Variants in LRMDA observed in about 807,000 individuals in gnomAD.
LRMDA encodes the protein leucine rich melanocyte differentiation associated.
A neutral mutation model predicts 29.8 loss-of-function variants in LRMDA; 18 were observed. The ratio of observed to expected loss-of-function variants is 0.60; its 90% CI spans 0.42 to 0.90. The LOEUF (loss-of-function observed/expected upper bound fraction) is 0.90, where lower values mean the gene tolerates loss of function less well. Ranked by LOEUF, LRMDA falls within the 40% of genes least tolerant of loss-of-function variation. LRMDA has a pLI of 0.00. For synonymous variants in LRMDA, 125 were observed against 109.4 expected (o/e 1.14, Z -0.89); for missense variants, 273 against 273.9 (o/e 1.00, Z 0.02).
At chr10:76,042,120 A>T (rs1848351303) in intron 3 of LRMDA, among the ~76,000 whole-genome samples, 1 of 152,202 alleles carries the variant, frequency 6.6e-6, no homozygotes, top group African/African-American at 2.4e-5. Context: ...GAGACAAAGA[A>T]ACCAATTAAA....
rs368216837 is a variant in LRMDA at position 76,111,075 on chromosome 10, A to G, written c.516+52292A>G. 5.9e-5 allele frequency among the ~76,000 whole-genome samples: 9 copies of G among 152,032 alleles called. No individual in the cohort carries two copies. The East Asian group carries it at 7.7e-4, about 13-fold the overall frequency. On this transcript the variant is annotated intron_variant, in intron 5 of 6. Coordinates refer to ENST00000611255, the MANE Select transcript of LRMDA (RefSeq NM_001305581.2). Reference sequence around the variant, plus strand: ...TGCCACATCTGAAATCCCTTCTCTCAGTAACCTAAATCAACTTTGTCCTTC... The same window carrying G: ...TGCCACATCTGAAATCCCTTCTCTCGGTAACCTAAATCAACTTTGTCCTTC...
intron 6 of LRMDA, among the ~76,000 whole-genome samples, chr10:76,501,987 G>T (rs564450137): frequency 4.6e-5 from 7 of 151,720 alleles, no homozygotes; most frequent in Non-Finnish European, 8.9e-5. Flanking sequence ...TTTTTATAGT[G>T]TGAGGTCTTA....
intron 2 of LRMDA, among the ~76,000 whole-genome samples, chr10:75,518,685 T>C (rs1845323148): frequency 1.3e-5 from 2 of 152,216 alleles, no homozygotes; most frequent in South Asian, 4.1e-4. Flanking sequence ...GTAGAGTTTT[T>C]TGTGTCTCTA....
chr10:76,412,621 G>A (rs754682508), intron 6 of LRMDA, among the ~76,000 whole-genome samples: 2 of 152,110 alleles, frequency 1.3e-5, no homozygotes, highest in South Asian at 4.1e-4. Flanking sequence ...AGTATGATTC[G>A]CTGTCTAGGG....
chr10:75,629,583 G>A (rs563575501), intron 2 of LRMDA, among the ~76,000 whole-genome samples: 1 of 150,936 alleles, frequency 6.6e-6, no homozygotes, highest in South Asian at 2.1e-4. Flanking sequence ...TAAGCTTTAT[G>A]TCTGAGTGTA....
chr10:76,163,020 G>A (rs1850675394), intron 5 of LRMDA, among the ~76,000 whole-genome samples: 1 of 152,148 alleles, frequency 6.6e-6, no homozygotes, highest in Admixed American at 6.5e-5. Flanking sequence ...ACAAATCACA[G>A]ATCCTTGGTT....
At chr10:76,200,846 T>C in intron 5 of LRMDA, among the ~76,000 whole-genome samples, 1 of 150,968 alleles carries the variant, frequency 6.6e-6, no homozygotes, top group East Asian at 2.0e-4. Context: ...GCCTCCTGAG[T>C]AGCTGGGATT....
chr10:76,048,547 G>C (rs1174852114), intron 4 of LRMDA, among the ~76,000 whole-genome samples: 1 of 152,216 alleles, frequency 6.6e-6, no homozygotes, highest in Admixed American at 6.5e-5. Context: ...AAGATCTGAT[G>C]TGGAGTCCGG....
chr10:76,300,570 TTC>T (rs1160887576), intron 5 of LRMDA, among the ~76,000 whole-genome samples: 1 of 152,214 alleles, frequency 6.6e-6, no homozygotes, highest in Non-Finnish European at 1.5e-5. Context: ...GTGTAACAGG[TTC>T]TCTGTCTTTC....
intron 2 of LRMDA, among the ~76,000 whole-genome samples, chr10:75,945,308 A>G (rs2132413859): frequency 6.6e-6 from 1 of 152,310 alleles, no homozygotes; most frequent in African/African-American, 2.4e-5. Flanking sequence ...TTCCCAGCAT[A>G]TGTGCAGTTT....
chr10:75,781,184 G>A (rs1843378396), intron 2 of LRMDA, among the ~76,000 whole-genome samples: 1 of 152,022 alleles, frequency 6.6e-6, no homozygotes, highest in Admixed American at 6.5e-5. Flanking sequence ...AACTTATATG[G>A]TGCAGCAATA....
intron 6 of LRMDA, among the ~76,000 whole-genome samples, chr10:76,369,275 G>C (rs1178667098): frequency 1.3e-5 from 2 of 152,066 alleles, no homozygotes; most frequent in African/African-American, 4.8e-5. Flanking sequence ...TCAAGATTTT[G>C]AGCTCCTTTT....
At chr10:75,444,977 G>A (rs979452071) in intron 2 of LRMDA, among the ~76,000 whole-genome samples, 9 of 152,276 alleles carry the variant, frequency 5.9e-5, no homozygotes, top group Non-Finnish European at 4.4e-5. Context: ...AGGCTGGAAT[G>A]CAGTGGAACG....
At position 75,850,548 on chromosome 10, in the gene LRMDA, T is replaced by C. The variant is rs1226214488; in HGVS notation, c.132-185460T>C. On this transcript the variant is annotated intron_variant, in intron 2 of 6. Coordinates refer to ENST00000611255, the MANE Select transcript of LRMDA (RefSeq NM_001305581.2). ...TTTTTCTGTTGCTCATATAACACCATCTGGGTTTCCAAGAGGTACACTTTG... is the reference window on the plus strand; with the variant it reads ...TTTTTCTGTTGCTCATATAACACCACCTGGGTTTCCAAGAGGTACACTTTG... Among the ~76,000 whole-genome samples, 16 of 152,326 alleles carry C rather than the reference T, an allele frequency of 1.1e-4. No homozygotes were observed. In the South Asian group the frequency reaches 3.3e-3, roughly 32 times the overall value.
intron 2 of LRMDA, among the ~76,000 whole-genome samples, chr10:75,953,335 T>C (rs999982691): frequency 6.6e-6 from 1 of 152,102 alleles, no homozygotes; most frequent in African/African-American, 2.4e-5. Context: ...TGCCTCAGCC[T>C]CCCAAATTGC....
intron 5 of LRMDA, among the ~76,000 whole-genome samples, chr10:76,215,720 G>A (rs1185550337): frequency 6.6e-6 from 1 of 152,062 alleles, no homozygotes; most frequent in Non-Finnish European, 1.5e-5. Flanking sequence ...AGAGAAATTG[G>A]GAGGAATTTC....
chr10:75,545,804 C>G (rs1020368553), intron 2 of LRMDA, among the ~76,000 whole-genome samples: 11 of 152,164 alleles, frequency 7.2e-5, no homozygotes, highest in African/African-American at 2.4e-4. Context: ...TGGTCTAGAA[C>G]TTAAATCTGG....
At chr10:75,460,326 T>G (rs1844570402) in intron 2 of LRMDA, among the ~76,000 whole-genome samples, 1 of 152,212 alleles carries the variant, frequency 6.6e-6, no homozygotes, top group Non-Finnish European at 1.5e-5. Context: ...CCTTTTGAAT[T>G]ATGTTTTTTA....
chr10:75,723,308 A>G (rs1842591858), intron 2 of LRMDA, among the ~76,000 whole-genome samples: 1 of 152,210 alleles, frequency 6.6e-6, no homozygotes, highest in African/African-American at 2.4e-5. Context: ...ACCCAGGCTG[A>G]GCCCATTTTC....
Sources: gnomAD v4.1 joint callset for allele counts (sites outside exome capture counted in the v4.1 genomes callset) on GRCh38, gnomAD v4.1.1 for gene constraint, MANE v1.5 for transcripts, NCBI Gene and HGNC (gene_info 2026-07-23, HGNC 2026-07-21) for gene names.